Variants in FGF14 observed in about 807,000 individuals in gnomAD.
FGF14 encodes fibroblast growth factor 14, also known as fibroblast growth factor homologous factor 4.
FGF14 carries 5 observed loss-of-function variants against 25.5 expected under a neutral mutation model. The observed-to-expected ratio is 0.20, with a 90% CI of 0.10 to 0.41. FGF14 has a LOEUF of 0.41. Among genes scored for constraint, FGF14 ranks in the 10% least tolerant of loss-of-function variants. The probability of loss-of-function intolerance (pLI) is 1.00; values close to 1 mark genes in which losing one functional copy is unlikely to be tolerated. For synonymous variants in FGF14, 138 were observed against 118.3 expected (o/e 1.17, Z -1.08); for missense variants, 222 against 320.1 (o/e 0.69, Z 2.34).
At chr13:101,946,133 C>T (rs141055219) in intron 1 of FGF14, among the ~76,000 whole-genome samples, 198 of 152,196 alleles carry the variant, frequency 1.3e-3, no homozygotes, top group African/African-American at 4.6e-3. Flanking sequence ...CAACAGGGTT[C>T]TCACTCGTGT....
chr13:101,873,553 A>AC (rs1286553969), intron 2 of FGF14, among the ~76,000 whole-genome samples: 1 of 152,110 alleles, frequency 6.6e-6, no homozygotes, highest in Non-Finnish European at 1.5e-5. Flanking sequence ...AACACTGAAG[A>AC]CATCAGAAAT....
intron 1 of FGF14, among the ~76,000 whole-genome samples, chr13:102,166,027 C>T (rs1206440446): frequency 1.3e-5 from 2 of 151,002 alleles, no homozygotes; most frequent in African/African-American, 4.9e-5. Flanking sequence ...CACCATCGTC[C>T]ATCTCCAGAA....
At chr13:101,795,379 T>C (rs578102513) in intron 3 of FGF14, among the ~76,000 whole-genome samples, 137 of 152,256 alleles carry the variant, frequency 9.0e-4, no homozygotes, top group Non-Finnish European at 1.7e-3. Flanking sequence ...GGGAAACTTT[T>C]CTATAGCATC....
At chr13:102,120,051 C>A (rs192719802) in intron 1 of FGF14, among the ~76,000 whole-genome samples, 46 of 152,304 alleles carry the variant, frequency 3.0e-4, no homozygotes, top group Non-Finnish European at 1.9e-4. Context: ...GACACCTCCT[C>A]AGAGCTCTTG....
intron 1 of FGF14, among the ~76,000 whole-genome samples, chr13:101,889,804 T>C (rs2046179813): frequency 6.6e-6 from 1 of 152,252 alleles, no homozygotes; most frequent in South Asian, 2.1e-4. Flanking sequence ...GAGAGAGAGT[T>C]GATTCCAACC....
chr13:102,042,395 A>G (rs2041785542), intron 1 of FGF14, among the ~76,000 whole-genome samples: 1 of 152,188 alleles, frequency 6.6e-6, no homozygotes, highest in African/African-American at 2.4e-5. Context: ...GAAGGTCGTA[A>G]TCATTGTTCC....
chr13:101,823,395 T>TG (rs947510270), intron 3 of FGF14, among the ~76,000 whole-genome samples: 13 of 148,984 alleles, frequency 8.7e-5, no homozygotes, highest in African/African-American at 3.2e-4. Context: ...TTTGTATATA[T>TG]AATATATATT....
intron 3 of FGF14, among the ~76,000 whole-genome samples, chr13:101,778,229 C>T (rs2039260211): frequency 6.6e-6 from 1 of 152,152 alleles, no homozygotes; most frequent in Non-Finnish European, 1.5e-5. Flanking sequence ...CAGTTCAATT[C>T]TGTTGATCAT....
intron 1 of FGF14, among the ~76,000 whole-genome samples, chr13:102,012,759 G>C (rs1016937379): frequency 6.6e-6 from 1 of 152,176 alleles, no homozygotes; most frequent in African/African-American, 2.4e-5. Flanking sequence ...TGAGGATAGA[G>C]AGCAGCTCTC....
intron 1 of FGF14, among the ~76,000 whole-genome samples, chr13:101,947,061 C>A (rs1447769226): frequency 6.6e-6 from 1 of 152,028 alleles, no homozygotes; most frequent in East Asian, 1.9e-4. Flanking sequence ...AGAAGACATA[C>A]AAGTGGCTAG....
intron 1 of FGF14, among the ~76,000 whole-genome samples, chr13:102,291,396 C>T (rs1475467047): frequency 6.6e-6 from 1 of 152,138 alleles, no homozygotes; most frequent in Admixed American, 6.5e-5. Flanking sequence ...CAGAGAGGAA[C>T]TCGCTAACAT....
In FGF14 at chr13:102,214,379, T is replaced by C. The variant is rs144676264; in HGVS notation, c.208+187092A>G. 8.5e-5 allele frequency among the ~76,000 whole-genome samples: 13 copies of C among 152,324 alleles called. No homozygotes were observed. In the East Asian group the frequency reaches 2.3e-3, roughly 27 times the overall value. On this transcript the variant is annotated intron_variant, in intron 1 of 4. Transcript: ENST00000376131. ...CTTACTTTGAGGCTCTAAACCATCA[T>C]TTAAGATTCAGAAGCTTAAAAAAAT...
chr13:102,177,420 G>C (rs1024039879), intron 1 of FGF14, among the ~76,000 whole-genome samples: 4 of 152,090 alleles, frequency 2.6e-5, no homozygotes, highest in Non-Finnish European at 5.9e-5. Flanking sequence ...CACTTCTTTA[G>C]ATTGTAAACT....
intron 1 of FGF14, among the ~76,000 whole-genome samples, chr13:102,133,725 T>C (rs1172075148): frequency 1.3e-5 from 2 of 152,236 alleles, no homozygotes; most frequent in Non-Finnish European, 2.9e-5. Flanking sequence ...CATTTGTGCT[T>C]TCCAAAAGCA....
chr13:102,045,202 G>C (rs2041927796), intron 1 of FGF14, among the ~76,000 whole-genome samples: 1 of 151,992 alleles, frequency 6.6e-6, no homozygotes, highest in Admixed American at 6.6e-5. Context: ...CACAGAGGTA[G>C]ACTAAGTATG....
chr13:101,876,770 A>G (rs2045418219), intron 1 of FGF14, among the ~76,000 whole-genome samples: 1 of 152,172 alleles, frequency 6.6e-6, no homozygotes, highest in Admixed American at 6.5e-5. Flanking sequence ...AACTTCCCAA[A>G]TCACATAATT....
chr13:101,785,948 G>T (rs2039799218), intron 3 of FGF14, among the ~76,000 whole-genome samples: 1 of 152,216 alleles, frequency 6.6e-6, no homozygotes, highest in Non-Finnish European at 1.5e-5. Flanking sequence ...GCCAGGAACT[G>T]AACTGGACAT....
chr13:102,008,464 C>G (rs2039917742), intron 1 of FGF14, among the ~76,000 whole-genome samples: 1 of 152,096 alleles, frequency 6.6e-6, no homozygotes, highest in Non-Finnish European at 1.5e-5. Flanking sequence ...ATAAGTCTTC[C>G]CATTAAACTG....
intron 1 of FGF14, among the ~76,000 whole-genome samples, chr13:101,986,691 A>G (rs556665126): frequency 2.6e-5 from 4 of 152,260 alleles, no homozygotes; most frequent in East Asian, 3.9e-4. Context: ...ATACTTCAGA[A>G]AACACATTAC....
Sources: gnomAD v4.1 joint callset for allele counts (sites outside exome capture counted in the v4.1 genomes callset) on GRCh38, gnomAD v4.1.1 for gene constraint, MANE v1.5 for transcripts, NCBI Gene and HGNC (gene_info 2026-07-23, HGNC 2026-07-21) for gene names.